Variants in QKI observed in about 807,000 individuals in gnomAD.
The protein encoded by QKI is KH domain-containing RNA-binding protein QKI.
QKI carries 10 observed loss-of-function variants against 39.0 expected under a neutral mutation model. The observed-to-expected ratio is 0.26, with a 90% CI of 0.16 to 0.43. The LOEUF (loss-of-function observed/expected upper bound fraction) is 0.43. QKI is among the 20% of genes least tolerant of loss of function. The probability of loss-of-function intolerance (pLI) is 1.00; values close to 1 mark genes in which losing one functional copy is unlikely to be tolerated. For missense variants in QKI, 218 were observed against 428.0 expected (o/e 0.51, Z 4.33); for synonymous variants, 204 against 155.4 (o/e 1.31, Z -2.33).
intron 1 of QKI, among the ~76,000 whole-genome samples, chr6:163,442,425 A>G (rs942462361): frequency 6.6e-6 from 1 of 152,196 alleles, no homozygotes; most frequent in Non-Finnish European, 1.5e-5. Context: ...CTGAAACCAA[A>G]AAGTTTGAAC....
intron 3 of QKI, among the ~76,000 whole-genome samples, chr6:163,514,532 G>A (rs994614298): frequency 6.6e-6 from 1 of 152,104 alleles, no homozygotes; most frequent in Non-Finnish European, 1.5e-5. Flanking sequence ...AAATGGAGGA[G>A]TGCTTTCAGA....
intron 1 of QKI, among the ~76,000 whole-genome samples, chr6:163,430,044 A>G (rs904838392): frequency 2.6e-5 from 4 of 152,256 alleles, no homozygotes; most frequent in African/African-American, 9.6e-5. Flanking sequence ...CTTAAAGGAC[A>G]GGTAGGATTG....
In QKI at chr6:163,572,901, A is replaced by C. The variant is rs143149889; in HGVS notation, c.*2191A>C. The C allele has an allele frequency of 4.5e-4, 69 of 152,056 alleles. No individual in the cohort carries two copies. The highest frequency in any genetic ancestry group is 1.6e-3 in the African/African-American group (65 of 41,462). The allele number at this position is 152,056 out of a possible 1,614,324, so 9.4% of individuals were successfully genotyped here. ...TGCTTTGTCTTTCTGTTACACATACAGTTTTGATTTATTTACAATATATGC... is the reference window on the plus strand; with the variant it reads ...TGCTTTGTCTTTCTGTTACACATACCGTTTTGATTTATTTACAATATATGC... On this transcript the variant is annotated 3_prime_UTR_variant, in exon 8 of 8. Coordinates refer to ENST00000361752, the MANE Select transcript of QKI (RefSeq NM_006775.3).
At chr6:163,491,613 G>GTAC (rs764133662) in intron 3 of QKI, among the ~76,000 whole-genome samples, 1 of 152,100 alleles carries the variant, frequency 6.6e-6, no homozygotes, top group African/African-American at 2.4e-5. Flanking sequence ...AGATAGAAGA[G>GTAC]TACAAAACAG....
At position 163,516,629 on chromosome 6, in the gene QKI, T is replaced by C. The variant is rs966159379; in HGVS notation, c.403-18353T>C. On this transcript the variant is annotated intron_variant, in intron 3 of 7. Transcript: ENST00000361752. ...TTTAAATTAAGCTTGAGGGCTTTTATGGTCTTTCAATATACCTTTAATACC... is the reference window on the plus strand; with the variant it reads ...TTTAAATTAAGCTTGAGGGCTTTTACGGTCTTTCAATATACCTTTAATACC... 2.6e-5 allele frequency among the ~76,000 whole-genome samples: 4 copies of C among 152,228 alleles called. 1 individual carries two copies. The highest frequency in any genetic ancestry group is 4.8e-5 in the African/African-American group (2 of 41,462).
chr6:163,497,241 C>G (rs1370313261), intron 3 of QKI, among the ~76,000 whole-genome samples: 1 of 151,904 alleles, frequency 6.6e-6, no homozygotes, highest in African/African-American at 2.4e-5. Context: ...CCATTTTGTG[C>G]CATCATTAGT....
At chr6:163,503,721 A>G (rs1298272826) in intron 3 of QKI, among the ~76,000 whole-genome samples, 1 of 151,544 alleles carries the variant, frequency 6.6e-6, no homozygotes, top group African/African-American at 2.4e-5. Flanking sequence ...TTAATCTTTA[A>G]TCTGTTTTGA....
At chr6:163,567,127 T>G (rs755248462) in intron 7 of QKI, 31 of 1,021,614 alleles carry the variant, frequency 3.0e-5, no homozygotes, top group Non-Finnish European at 3.6e-5. Context: ...AAATTTACCT[T>G]TTAAAAGTTC....
At chr6:163,485,698 G>A (rs1685146854) in intron 3 of QKI, among the ~76,000 whole-genome samples, 1 of 152,126 alleles carries the variant, frequency 6.6e-6, no homozygotes, top group South Asian at 2.1e-4. Flanking sequence ...GTTTATCAAA[G>A]CCATGTCAGT....
At chr6:163,479,531 C>T (rs1267600033) in intron 3 of QKI, among the ~76,000 whole-genome samples, 5 of 152,086 alleles carry the variant, frequency 3.3e-5, no homozygotes, top group Non-Finnish European at 5.9e-5. Context: ...GCCGCCATGC[C>T]CAGCTAATTT....
At chr6:163,462,016 CCTTTA>C (rs1282103182) in intron 2 of QKI, among the ~76,000 whole-genome samples, 23 of 152,230 alleles carry the variant, frequency 1.5e-4, no homozygotes, top group Middle Eastern at 6.8e-3. Flanking sequence ...AGATCACGTG[CCTTTA>C]CTTTAGGGAT....
chr6:163,568,449 G>A (rs762367568), intron 7 of QKI: 5 of 985,518 alleles, frequency 5.1e-6, no homozygotes, highest in Non-Finnish European at 6.0e-6. Flanking sequence ...GTTTTGATTA[G>A]TCCTGTCACT....
At chr6:163,520,365 A>G (rs1780073519) in intron 3 of QKI, among the ~76,000 whole-genome samples, 1 of 152,178 alleles carries the variant, frequency 6.6e-6, no homozygotes, top group Non-Finnish European at 1.5e-5. Context: ...AATGGCATTT[A>G]TTAAAAAAAT....
In QKI at chr6:163,432,177, T is replaced by G. The variant is rs528233429; in HGVS notation, c.142+16842T>G. ...TTGCTGGAAGTATCTACCCAGGGTATTTTAAATTCTTCCTCCAAATAAGAA... is the reference window on the plus strand; with the variant it reads ...TTGCTGGAAGTATCTACCCAGGGTAGTTTAAATTCTTCCTCCAAATAAGAA... On this transcript the variant is annotated intron_variant, in intron 1 of 7. Coordinates refer to ENST00000361752, the MANE Select transcript of QKI (RefSeq NM_006775.3). Among the ~76,000 whole-genome samples, 70 of 152,282 alleles carry G rather than the reference T, an allele frequency of 4.6e-4. 1 individual carries two copies. The South Asian group carries it at 0.014, about 30-fold the overall frequency.
intron 3 of QKI, 114 bp from the exon 4 acceptor site, chr6:163,534,868 A>G (rs896049336): frequency 3.5e-6 from 3 of 869,354 alleles, no homozygotes; most frequent in Non-Finnish European, 5.0e-6. Context: ...TTGTGCCATC[A>G]TAGCAAAATA....
rs1027926697 is a variant in QKI at position 163,573,826 on chromosome 6, C to T, written c.*3116C>T. ...CTCTGGACTTTGTCTGTTTATTAAC[C>T]TTTATATGTTTAATTAAAATAAACA... On this transcript the variant is annotated 3_prime_UTR_variant, in exon 8 of 8. Coordinates refer to ENST00000361752, the MANE Select transcript of QKI (RefSeq NM_006775.3). 3 of 152,230 alleles carry T rather than the reference C, an allele frequency of 2.0e-5. No homozygotes were observed. The highest frequency in any genetic ancestry group is 1.9e-4 in the East Asian group (1 of 5,180). The allele number at this position is 152,230 out of a possible 1,614,324, so 9.4% of individuals were successfully genotyped here.
chr6:163,442,046 G>A (rs2128215132), intron 1 of QKI, among the ~76,000 whole-genome samples: 1 of 152,230 alleles, frequency 6.6e-6, no homozygotes, highest in Admixed American at 6.5e-5. Context: ...GATGTTATTT[G>A]CCATTTTCAC....
At chr6:163,493,418 C>T (rs1278259773) in intron 3 of QKI, among the ~76,000 whole-genome samples, 18 of 152,164 alleles carry the variant, frequency 1.2e-4, no homozygotes, top group African/African-American at 3.9e-4. Context: ...CATGAGCCAC[C>T]GTGCCCAGCC....
intron 3 of QKI, among the ~76,000 whole-genome samples, chr6:163,484,562 A>G (rs932149386): frequency 1.3e-5 from 2 of 152,118 alleles, no homozygotes; most frequent in South Asian, 2.1e-4. Context: ...ATTTGCTTCA[A>G]CATAAAGTCA....
Sources: gnomAD v4.1 joint callset for allele counts (sites outside exome capture counted in the v4.1 genomes callset) on GRCh38, gnomAD v4.1.1 for gene constraint, MANE v1.5 for transcripts, NCBI Gene and HGNC (gene_info 2026-07-23, HGNC 2026-07-21) for gene names.